Variants in RAPGEF4 observed in about 807,000 individuals in gnomAD.
RAPGEF4 encodes the protein Rap guanine nucleotide exchange factor 4.
RAPGEF4 carries 66 observed loss-of-function variants against 147.9 expected under a neutral mutation model. That is an observed-to-expected ratio of 0.45 (90% confidence interval 0.37 to 0.55). The LOEUF (loss-of-function observed/expected upper bound fraction) is 0.55. Among genes scored for constraint, RAPGEF4 ranks in the 20% least tolerant of loss-of-function variants. The pLI is 0.00. For synonymous variants in RAPGEF4, 419 were observed against 442.7 expected (o/e 0.95, Z 0.67); for missense variants, 1,071 against 1,257.3 (o/e 0.85, Z 2.24).
At chr2:172,988,311 C>T (rs1692479671) in intron 13 of RAPGEF4, 39 bp downstream of exon 13, 3 of 1,582,046 alleles carry the variant, frequency 1.9e-6, no homozygotes, top group Non-Finnish European at 2.6e-6. Context: ...TTATTACGCT[C>T]CACTTACTAG....
chr2:172,900,638 A>G (rs1698973395), intron 4 of RAPGEF4, among the ~76,000 whole-genome samples: 1 of 152,222 alleles, frequency 6.6e-6, no homozygotes, highest in Non-Finnish European at 1.5e-5. Context: ...CCAATTGTTT[A>G]CATTTTGCCC....
At chr2:172,801,766 G>C (rs1271776465) in intron 3 of RAPGEF4, among the ~76,000 whole-genome samples, 1 of 152,114 alleles carries the variant, frequency 6.6e-6, no homozygotes, top group East Asian at 1.9e-4. Flanking sequence ...AAGAGAGGTG[G>C]GGAGCTGAGC....
intron 4 of RAPGEF4, among the ~76,000 whole-genome samples, chr2:172,848,018 C>G (rs997572887): frequency 2.0e-5 from 3 of 152,138 alleles, no homozygotes; most frequent in Admixed American, 1.3e-4. Context: ...GACTCTTAAT[C>G]TCTGGGGCGG....
At chr2:172,981,941 G>T (rs1575436450) in intron 10 of RAPGEF4, among the ~76,000 whole-genome samples, 1 of 152,134 alleles carries the variant, frequency 6.6e-6, no homozygotes, top group Admixed American at 6.5e-5. Context: ...TTCTGCAAAG[G>T]TCTGAGTTTT....
chr2:173,025,471 C>A (rs1696570027), intron 23 of RAPGEF4, among the ~76,000 whole-genome samples: 1 of 152,142 alleles, frequency 6.6e-6, no homozygotes, highest in African/African-American at 2.4e-5. Flanking sequence ...GAGATGGAGT[C>A]TCATTCTGTC....
intron 4 of RAPGEF4, among the ~76,000 whole-genome samples, chr2:172,866,559 T>C (rs1694670261): frequency 6.6e-6 from 1 of 152,144 alleles, no homozygotes; most frequent in South Asian, 2.1e-4. Flanking sequence ...GTGGCTTCCG[T>C]TAATACATAC....
At chr2:172,965,310 G>T in intron 8 of RAPGEF4, 1 of 498,188 alleles carries the variant, frequency 2.0e-6, no homozygotes. Flanking sequence ...GGTCTCCCCT[G>T]GTGCTACAAG....
At chr2:172,923,207 G>T (rs1684939394) in intron 6 of RAPGEF4, among the ~76,000 whole-genome samples, 1 of 152,166 alleles carries the variant, frequency 6.6e-6, no homozygotes, top group Non-Finnish European at 1.5e-5. Flanking sequence ...AGTTTTAAAA[G>T]GACTGGTTGG....
intron 1 of RAPGEF4, among the ~76,000 whole-genome samples, chr2:172,761,642 G>A (rs895348347): frequency 7.2e-5 from 11 of 152,128 alleles, no homozygotes; most frequent in African/African-American, 2.4e-4. Context: ...AATGAGAAAA[G>A]AAGGAATCTT....
intron 15 of RAPGEF4, among the ~76,000 whole-genome samples, chr2:172,992,342 A>G (rs1692917282): frequency 6.6e-6 from 1 of 152,244 alleles, no homozygotes. Context: ...GGAGGATAAG[A>G]ATGAAAACAT....
intron 1 of RAPGEF4, among the ~76,000 whole-genome samples, chr2:172,756,952 C>T (rs972213090): frequency 3.3e-5 from 5 of 152,180 alleles, no homozygotes; most frequent in Admixed American, 2.6e-4. Flanking sequence ...TCCTAATGCA[C>T]CTATCGGGGA....
At chr2:172,745,726 T>C (rs1694710688) in intron 1 of RAPGEF4, among the ~76,000 whole-genome samples, 1 of 152,128 alleles carries the variant, frequency 6.6e-6, no homozygotes, top group Admixed American at 6.5e-5. Context: ...GCACAGGTAT[T>C]TTTTTATTCA....
chr2:172,967,308 C>G lies in RAPGEF4; in HGVS notation c.868C>G (p.Leu290Val). The change falls in exon 10 of 31, where the codon CTG becomes GTG. Residue 290 changes from leucine to valine, a missense_variant. By Grantham distance (32) the Leu-to-Val change is conservative. Coordinates refer to ENST00000397081, the MANE Select transcript of RAPGEF4 (RefSeq NM_007023.4). The part of the protein sequence containing the change: ...FQDKYLFYRF[L>V]DDEHEDAPLP... ...AGACAAATATTTATTCTATCGATTTCTGGATGATGAGCACGAGGATGCCCC... is the reference window on the plus strand; with the variant it reads ...AGACAAATATTTATTCTATCGATTTGTGGATGATGAGCACGAGGATGCCCC... The G allele has an allele frequency of 6.2e-7, 1 of 1,612,390 alleles. No individual in the cohort carries two copies. The highest frequency in any genetic ancestry group is 8.5e-7 in the Non-Finnish European group (1 of 1,179,700).
chr2:172,982,648 C>T (rs770110691), intron 10 of RAPGEF4, among the ~76,000 whole-genome samples: 3 of 152,148 alleles, frequency 2.0e-5, no homozygotes, highest in Non-Finnish European at 4.4e-5. Context: ...AAAATGTCCA[C>T]AACACCCCCA....
chr2:172,847,613 C>T (rs1692347576), intron 4 of RAPGEF4, among the ~76,000 whole-genome samples: 1 of 152,104 alleles, frequency 6.6e-6, no homozygotes, highest in Non-Finnish European at 1.5e-5. Context: ...CAAGGTGTTT[C>T]ATGTGGAGAA....
At chr2:172,940,488 C>G (rs545947402) in intron 6 of RAPGEF4, among the ~76,000 whole-genome samples, 2 of 152,204 alleles carry the variant, frequency 1.3e-5, no homozygotes, top group African/African-American at 4.8e-5. Context: ...CCACAACTCT[C>G]TGTCCCTTGT....
At chr2:172,765,961 GT>G (rs1256268676) in intron 1 of RAPGEF4, among the ~76,000 whole-genome samples, 1 of 152,194 alleles carries the variant, frequency 6.6e-6, no homozygotes, top group African/African-American at 2.4e-5. Context: ...ACCCTGGGCT[GT>G]TCTCTGTGTG....
At position 173,036,231 on chromosome 2, in the gene RAPGEF4, A is replaced by G. The variant is rs751238215; in HGVS notation, c.2788+19A>G. 2.6e-6 allele frequency: 4 copies of G among 1,544,996 alleles called. No individual in the cohort carries two copies. Among genetic ancestry groups the G allele is most frequent in the Non-Finnish European group, 3.6e-6 (4 of 1,117,898 alleles). On this transcript the variant is annotated intron_variant, in intron 28 of 30. Coordinates refer to ENST00000397081, the MANE Select transcript of RAPGEF4 (RefSeq NM_007023.4). ...ATTAAAGGTAATCCTAATAAGATGC[A>G]CAGGCCAAGCAGGTGATGAGTATTT... is the stretch of plus-strand genomic sequence containing the variant.
chr2:172,757,028 A>G (rs1695847849), intron 1 of RAPGEF4, among the ~76,000 whole-genome samples: 1 of 152,256 alleles, frequency 6.6e-6, no homozygotes, highest in Admixed American at 6.5e-5. Context: ...AATTGTAAGA[A>G]CCTCAATTTA....
Sources: allele counts gnomAD v4.1 joint callset (sites outside exome capture counted in the v4.1 genomes callset), GRCh38; gene constraint gnomAD v4.1.1; transcripts MANE v1.5; gene names NCBI Gene and HGNC (gene_info 2026-07-23, HGNC 2026-07-21).